PLXDC2: variants seen among roughly 807,000 people sequenced by gnomAD.
The protein encoded by PLXDC2 is plexin domain-containing protein 2.
A neutral mutation model predicts 68.9 loss-of-function variants in PLXDC2; 40 were observed. The observed-to-expected ratio is 0.58, with a 90% CI of 0.45 to 0.76. PLXDC2 has a LOEUF of 0.76. Among genes scored for constraint, PLXDC2 ranks in the 30% least tolerant of loss-of-function variants. PLXDC2 has a pLI of 0.00. For synonymous variants in PLXDC2, 243 were observed against 234.2 expected, an observed-to-expected ratio of 1.04 and a Z score of -0.34; for missense variants, 644 against 661.9, an observed-to-expected ratio of 0.97 and a Z score of 0.30.
At chr10:20,126,995 G>A (rs1833801555) in intron 4 of PLXDC2, among the ~76,000 whole-genome samples, 2 of 150,642 alleles carry the variant, frequency 1.3e-5, no homozygotes, top group Admixed American at 1.3e-4. Context: ...GATGTATAAG[G>A]ATATGACATT....
At chr10:20,181,448 A>T (rs539184194) in intron 9 of PLXDC2, among the ~76,000 whole-genome samples, 1 of 152,174 alleles carries the variant, frequency 6.6e-6, no homozygotes, top group African/African-American at 2.4e-5. Flanking sequence ...ACAAAGTCAG[A>T]TAGTGATGGA....
chr10:20,056,645 C>T (rs935368394), intron 3 of PLXDC2, among the ~76,000 whole-genome samples: 13 of 152,178 alleles, frequency 8.5e-5, no homozygotes, highest in Non-Finnish European at 5.9e-5. Flanking sequence ...TGATCCATTT[C>T]TTTTGCATAT....
chr10:19,874,285 G>T (rs565462514), intron 1 of PLXDC2, among the ~76,000 whole-genome samples: 1 of 152,082 alleles, frequency 6.6e-6, no homozygotes, highest in South Asian at 2.1e-4. Flanking sequence ...CCTTTTTTCT[G>T]TTTGGAAACA....
rs550570004 is a variant in PLXDC2, at chr10:19,916,514, A to C, written c.113-85261A>C. On this transcript the variant is annotated intron_variant, in intron 1 of 13. Transcript: ENST00000377252. ...TACATAAGCAATCAAAGTCTCAAAAATACTCAAATAAAAATTACAATGGTA... is the reference window on the plus strand; with the variant it reads ...TACATAAGCAATCAAAGTCTCAAAACTACTCAAATAAAAATTACAATGGTA... 2.6e-4 allele frequency among the ~76,000 whole-genome samples: 39 copies of C among 152,202 alleles called. No homozygotes were observed. In the South Asian group the frequency reaches 7.9e-3, roughly 31 times the overall value.
At chr10:20,202,300 C>T (rs1834931503) in intron 9 of PLXDC2, among the ~76,000 whole-genome samples, 1 of 152,110 alleles carries the variant, frequency 6.6e-6, no homozygotes, top group Non-Finnish European at 1.5e-5. Context: ...ATGGTTTATT[C>T]TAAAGAGGTT....
intron 6 of PLXDC2, among the ~76,000 whole-genome samples, chr10:20,161,813 C>G (rs1349183434): frequency 6.6e-6 from 1 of 151,994 alleles, no homozygotes; most frequent in Non-Finnish European, 1.5e-5. Flanking sequence ...GGGCGGATCA[C>G]CTGAGGTCAG....
intron 2 of PLXDC2, among the ~76,000 whole-genome samples, chr10:20,014,394 C>CCTTG (rs1835171896): frequency 2.5e-5 from 1 of 39,730 alleles, no homozygotes; most frequent in Non-Finnish European, 5.5e-5. Flanking sequence ...TTCCTTCCTT[C>CCTTG]CTTCCTTCCT....
At chr10:20,030,215 AAAC>A (rs922248014) in intron 2 of PLXDC2, among the ~76,000 whole-genome samples, 1 of 125,370 alleles carries the variant, frequency 8.0e-6, no homozygotes, top group African/African-American at 2.8e-5. Context: ...AACAAACAAG[AAAC>A]AACAACAACA....
At chr10:19,967,068 A>G (rs919947654) in intron 1 of PLXDC2, among the ~76,000 whole-genome samples, 8 of 152,200 alleles carry the variant, frequency 5.3e-5, no homozygotes, top group Non-Finnish European at 1.0e-4. Flanking sequence ...ACTCAGTTGG[A>G]GCAGCCAACC....
chr10:20,147,627 T>A (rs1834097028), intron 5 of PLXDC2, among the ~76,000 whole-genome samples, 157 bp from the exon 6 acceptor site: 1 of 152,206 alleles, frequency 6.6e-6, no homozygotes, highest in African/African-American at 2.4e-5. Context: ...TCCCAAATGC[T>A]ATTTCAATAA....
chr10:20,189,642 T>C (rs61854620), intron 9 of PLXDC2, among the ~76,000 whole-genome samples: 34,615 of 149,284 alleles, frequency 0.23, 4,955 homozygotes, highest in Middle Eastern at 0.34. Context: ...AAGCAGAAAA[T>C]TATCAGTGCC....
At chr10:19,995,656 A>G (rs1264304738) in intron 1 of PLXDC2, among the ~76,000 whole-genome samples, 3 of 152,220 alleles carry the variant, frequency 2.0e-5, no homozygotes, top group African/African-American at 7.2e-5. Flanking sequence ...ACTTGCAAAT[A>G]GCACTTTCTA....
chr10:19,872,904 C>T (rs774625366), intron 1 of PLXDC2, among the ~76,000 whole-genome samples: 22 of 152,088 alleles, frequency 1.4e-4, no homozygotes, highest in African/African-American at 9.7e-5. Flanking sequence ...CACCAGTGTG[C>T]GGGAAAGAGT....
Position 19,850,334 on chromosome 10 carries a change from A to T in PLXDC2, c.112+33143A>T, listed in dbSNP as rs539706755. On this transcript the variant is annotated intron_variant, in intron 1 of 13. Transcript: ENST00000377252. ...TTGAATAAGGAAAAATTAAATATGT[A>T]TTTTCCCCAGCAGTAATTTTCAGTA... Among the ~76,000 whole-genome samples, 14 of 150,174 alleles carry T rather than the reference A, an allele frequency of 9.3e-5. No homozygotes were observed. The South Asian group carries it at 2.7e-3, about 29-fold the overall frequency.
rs117216302 is a variant in PLXDC2, at chr10:20,009,813, A to T, written c.324+7827A>T. 5.7e-3 allele frequency among the ~76,000 whole-genome samples: 863 copies of T among 151,142 alleles called. 2 individuals are homozygous for T. Among genetic ancestry groups the T allele is most frequent in the Non-Finnish European group, 7.4e-3 (504 of 67,896 alleles). On this transcript the variant is annotated intron_variant, in intron 2 of 13. Coordinates refer to ENST00000377252, the MANE Select transcript of PLXDC2 (RefSeq NM_032812.9). ...TTGTGTACGACACTAAGGTGTTTAGAATTTATCAGGAAGGTACTTGGAAAC... is the reference window on the plus strand; with the variant it reads ...TTGTGTACGACACTAAGGTGTTTAGTATTTATCAGGAAGGTACTTGGAAAC...
chr10:20,178,575 C>G (rs115717131), intron 9 of PLXDC2, among the ~76,000 whole-genome samples: 1 of 152,006 alleles, frequency 6.6e-6, no homozygotes, highest in African/African-American at 2.4e-5. Context: ...ATGTTACACC[C>G]GAGCTTTCGG....
intron 4 of PLXDC2, among the ~76,000 whole-genome samples, chr10:20,090,370 C>G (rs963373531): frequency 3.9e-5 from 6 of 152,036 alleles, no homozygotes; most frequent in Non-Finnish European, 8.8e-5. Flanking sequence ...GATTAGGAAG[C>G]CACAAAATCC....
intron 4 of PLXDC2, among the ~76,000 whole-genome samples, chr10:20,093,592 T>C (rs1833309532): frequency 6.6e-6 from 1 of 152,136 alleles, no homozygotes; most frequent in Non-Finnish European, 1.5e-5. Context: ...TATTTTTTTT[T>C]CCAGAAAAAG....
chr10:20,076,058 C>T (rs143560983), intron 4 of PLXDC2, among the ~76,000 whole-genome samples: 1 of 152,306 alleles, frequency 6.6e-6, no homozygotes, highest in African/African-American at 2.4e-5. Context: ...CAATTTTACA[C>T]AGATCCTGAA....
Sources: allele counts gnomAD v4.1 joint callset (sites outside exome capture counted in the v4.1 genomes callset), GRCh38; gene constraint gnomAD v4.1.1; transcripts MANE v1.5; gene names NCBI Gene and HGNC (gene_info 2026-07-23, HGNC 2026-07-21).